CCBE1: variants seen among roughly 807,000 people sequenced by gnomAD.
CCBE1 encodes the protein collagen and calcium-binding EGF domain-containing protein 1.
CCBE1 carries 37 observed loss-of-function variants against 50.0 expected under a neutral mutation model. The observed-to-expected ratio is 0.74, with a 90% CI of 0.57 to 0.97. The LOEUF (loss-of-function observed/expected upper bound fraction) is 0.97. Among genes scored for constraint, CCBE1 ranks in the 50% least tolerant of loss-of-function variants. The pLI is 0.00. For synonymous variants in CCBE1, 234 were observed against 203.7 expected, an observed-to-expected ratio of 1.15 and a Z score of -1.27; for missense variants, 538 against 523.8, an observed-to-expected ratio of 1.03 and a Z score of -0.26.
At chr18:59,582,151 G>A (rs1019241162) in intron 2 of CCBE1, among the ~76,000 whole-genome samples, 34 of 152,076 alleles carry the variant, frequency 2.2e-4, no homozygotes, top group Non-Finnish European at 4.1e-4. Context: ...CTCTTCCTTC[G>A]TCTTCACCAG....
chr18:59,658,328 A>T (rs1195576505), intron 2 of CCBE1, among the ~76,000 whole-genome samples: 164 of 13,972 alleles, frequency 0.012, 28 homozygotes, highest in Non-Finnish European at 0.014. Context: ...CTCTAAAAAA[A>T]AAAAAAAAAA....
At chr18:59,633,502 A>C (rs1488402912) in intron 2 of CCBE1, among the ~76,000 whole-genome samples, 2 of 152,224 alleles carry the variant, frequency 1.3e-5, no homozygotes, top group Non-Finnish European at 2.9e-5. Flanking sequence ...GCTCGGGCCC[A>C]TGCCGAGAAC....
At chr18:59,554,036 T>C (rs892573835) in intron 2 of CCBE1, among the ~76,000 whole-genome samples, 1 of 152,184 alleles carries the variant, frequency 6.6e-6, no homozygotes, top group Non-Finnish European at 1.5e-5. Context: ...AAGGTCTCAC[T>C]CTGTTGTCTA....
rs1421617362 is a variant in CCBE1, at chr18:59,615,608, G to A, written c.212+81021C>T. Among the ~76,000 whole-genome samples, 6 of 152,094 alleles carry A rather than the reference G, an allele frequency of 3.9e-5. No individual in the cohort carries two copies. In the East Asian group the frequency reaches 1.2e-3, roughly 29 times the overall value. On this transcript the variant is annotated intron_variant, in intron 2 of 10. Coordinates refer to ENST00000439986, the MANE Select transcript of CCBE1 (RefSeq NM_133459.4). ...TTATAAGTTTGTTTCTCCTAAATTG[G>A]TTTTGAGCACAGGGCCAGGAGTGGC...
chr18:59,555,083 G>A (rs190158926), intron 2 of CCBE1, among the ~76,000 whole-genome samples: 1 of 152,356 alleles, frequency 6.6e-6, no homozygotes, highest in East Asian at 1.9e-4. Context: ...AGGCATGTAT[G>A]TGTCCTTCAT....
chr18:59,697,458 C>T, upstream of CCBE1: 1 of 1,360,802 alleles, frequency 7.3e-7, no homozygotes, highest in Non-Finnish European at 9.8e-7. Flanking sequence ...AGAGCAGGGG[C>T]GTTTGCACCA....
chr18:59,616,744 ATTC>A (rs2053642013), intron 2 of CCBE1, among the ~76,000 whole-genome samples: 1 of 152,228 alleles, frequency 6.6e-6, no homozygotes, highest in African/African-American at 2.4e-5. Context: ...CCAGAAACGG[ATTC>A]TTAAGGTAAT....
At chr18:59,601,603 G>A (rs2053435659) in intron 2 of CCBE1, among the ~76,000 whole-genome samples, 1 of 152,278 alleles carries the variant, frequency 6.6e-6, no homozygotes, top group African/African-American at 2.4e-5. Flanking sequence ...TCACCATGTT[G>A]TTCAGGCTGC....
intron 2 of CCBE1, among the ~76,000 whole-genome samples, chr18:59,493,982 C>G (rs971834598): frequency 6.6e-6 from 1 of 152,162 alleles, no homozygotes; most frequent in Non-Finnish European, 1.5e-5. Flanking sequence ...GTGACTTGTT[C>G]CTCCTTGCCT....
At chr18:59,593,985 C>T (rs1237942968) in intron 2 of CCBE1, among the ~76,000 whole-genome samples, 1 of 152,158 alleles carries the variant, frequency 6.6e-6, no homozygotes, top group African/African-American at 2.4e-5. Flanking sequence ...ACCATGTCCC[C>T]CTAAAGCCAG....
At chr18:59,566,745 TTGCTTCTTAAA>T (rs2052835108) in intron 2 of CCBE1, among the ~76,000 whole-genome samples, 1 of 152,124 alleles carries the variant, frequency 6.6e-6, no homozygotes, top group African/African-American at 2.4e-5. Flanking sequence ...TGGCTAACAT[TTGCTTCTTAAA>T]TGCTATCACC....
At chr18:59,543,032 C>A (rs1915530185) in intron 2 of CCBE1, among the ~76,000 whole-genome samples, 2 of 152,314 alleles carry the variant, frequency 1.3e-5, no homozygotes, top group South Asian at 4.2e-4. Flanking sequence ...AGTAACAAGC[C>A]AACAAGTATA....
chr18:59,675,834 C>CTGT (rs2054493893), intron 2 of CCBE1, among the ~76,000 whole-genome samples: 5 of 152,186 alleles, frequency 3.3e-5, no homozygotes, highest in African/African-American at 1.2e-4. Flanking sequence ...TGGAAGGAAT[C>CTGT]TAACAGTAAT....
At chr18:59,640,383 A>C (rs1419732947) in intron 2 of CCBE1, among the ~76,000 whole-genome samples, 1 of 152,208 alleles carries the variant, frequency 6.6e-6, no homozygotes, top group Non-Finnish European at 1.5e-5. Context: ...CAATAGGGAA[A>C]GGACTCCCTA....
Position 59,526,901 on chromosome 18 carries a change from A to T in CCBE1, c.213-46663T>A, listed in dbSNP as rs1379893185. ...GTTTTTATGATTTCAGTTCTTTTGC[A>T]TTTGCCAAGGAGTGTTTTACTTCTG... On this transcript the variant is annotated intron_variant, in intron 2 of 10. Transcript: ENST00000439986. Among the ~76,000 whole-genome samples, 4 of 152,126 alleles carry T rather than the reference A, an allele frequency of 2.6e-5. No homozygotes were observed. The East Asian group carries it at 7.7e-4, about 29-fold the overall frequency.
intron 2 of CCBE1, among the ~76,000 whole-genome samples, chr18:59,500,437 C>T (rs540750938): frequency 6.5e-4 from 99 of 152,256 alleles, no homozygotes; most frequent in African/African-American, 2.2e-3. Context: ...TCTGCTGAAG[C>T]GTGTGCTGAA....
intron 2 of CCBE1, among the ~76,000 whole-genome samples, chr18:59,661,403 T>G (rs1374840840): frequency 6.6e-6 from 1 of 152,180 alleles, no homozygotes; most frequent in African/African-American, 2.4e-5. Context: ...GAGTTTTGAG[T>G]CTTATATTCA....
At chr18:59,695,192 T>C (rs557444947) in intron 2 of CCBE1, among the ~76,000 whole-genome samples, 13 of 152,236 alleles carry the variant, frequency 8.5e-5, no homozygotes, top group Non-Finnish European at 1.8e-4. Context: ...ACATTTCCCA[T>C]GTTAAATTCG....
intron 5 of CCBE1, chr18:59,458,938 G>C (rs1911335227): frequency 6.6e-6 from 1 of 152,218 alleles, no homozygotes; most frequent in Non-Finnish European, 1.5e-5. Flanking sequence ...CGCTGGTGGA[G>C]TTACATGATC....
Sources: allele counts gnomAD v4.1 joint callset (sites outside exome capture counted in the v4.1 genomes callset), GRCh38; gene constraint gnomAD v4.1.1; transcripts MANE v1.5; gene names NCBI Gene and HGNC (gene_info 2026-07-23, HGNC 2026-07-21).